Variants in PRKN observed in about 807,000 individuals in gnomAD.
PRKN encodes the protein E3 ubiquitin-protein ligase parkin.
A neutral mutation model predicts 59.5 loss-of-function variants in PRKN; 56 were observed. The ratio of observed to expected loss-of-function variants is 0.94; its 90% CI spans 0.76 to 1.18. PRKN has a LOEUF of 1.18. PRKN is among the 50% of genes most tolerant of loss of function. The pLI is 0.00. For synonymous variants in PRKN, 250 were observed against 222.1 expected, an observed-to-expected ratio of 1.13 and a Z score of -1.12; for missense variants, 657 against 596.4, an observed-to-expected ratio of 1.10 and a Z score of -1.06.
chr6:161,586,660 T>C (rs1030339561), intron 7 of PRKN, among the ~76,000 whole-genome samples: 2 of 152,206 alleles, frequency 1.3e-5, no homozygotes, highest in Non-Finnish European at 2.9e-5. Context: ...TTCTTTCTGT[T>C]GAAATAGTAT....
At position 161,766,153 on chromosome 6, in the gene PRKN, A is replaced by G. The variant is rs770753218; in HGVS notation, c.871+19619T>C. 2.0e-5 allele frequency among the ~76,000 whole-genome samples: 3 copies of G among 152,192 alleles called. No homozygotes were observed. The East Asian group carries it at 5.8e-4, about 29-fold the overall frequency. ...TACAGTTCTTTTATTCTACAAAAAT[A>G]TATAGTATTAAGAAACCAAAACCAT... On this transcript the variant is annotated intron_variant, in intron 7 of 11. Transcript: ENST00000366898.
chr6:162,416,997 C>T (rs1235211531), intron 2 of PRKN, among the ~76,000 whole-genome samples: 1 of 152,172 alleles, frequency 6.6e-6, no homozygotes, highest in Non-Finnish European at 1.5e-5. Flanking sequence ...TATAGCTCTT[C>T]TGCTCCAGCA....
intron 9 of PRKN, among the ~76,000 whole-genome samples, chr6:161,522,528 C>T (rs879526526): frequency 3.9e-5 from 6 of 152,170 alleles, no homozygotes; most frequent in Admixed American, 3.9e-4. Context: ...CATGCCAAGC[C>T]AAGCAAGAAG....
At chr6:162,561,633 G>A (rs560623453) in intron 1 of PRKN, among the ~76,000 whole-genome samples, 53 of 152,290 alleles carry the variant, frequency 3.5e-4, no homozygotes, top group African/African-American at 1.1e-3. Flanking sequence ...TACTGGGGGC[G>A]AAGAGCATCT....
chr6:162,359,122 TTTAC>T (rs1785020955), intron 2 of PRKN, among the ~76,000 whole-genome samples: 1 of 148,138 alleles, frequency 6.8e-6, no homozygotes, highest in Non-Finnish European at 1.5e-5. Flanking sequence ...CACATATCTG[TTTAC>T]TTGTTTCCTA....
chr6:161,523,489 G>A (rs547421285), intron 9 of PRKN, among the ~76,000 whole-genome samples: 1 of 152,274 alleles, frequency 6.6e-6, no homozygotes, highest in South Asian at 2.1e-4. Context: ...ACAGACAATG[G>A]CGATTCATAT....
At chr6:161,781,688 T>C (rs1790211627) in intron 7 of PRKN, among the ~76,000 whole-genome samples, 1 of 152,188 alleles carries the variant, frequency 6.6e-6, no homozygotes, top group African/African-American at 2.4e-5. Context: ...TACAAGGGGC[T>C]GTCAACAGTG....
intron 1 of PRKN, among the ~76,000 whole-genome samples, chr6:162,527,542 T>C (rs1778336796): frequency 6.6e-6 from 1 of 152,202 alleles, no homozygotes; most frequent in African/African-American, 2.4e-5. Context: ...TATCAGCATA[T>C]AGGTTTCTAG....
At chr6:162,131,650 AT>A (rs1781362016) in intron 4 of PRKN, among the ~76,000 whole-genome samples, 1 of 152,200 alleles carries the variant, frequency 6.6e-6, no homozygotes, top group Non-Finnish European at 1.5e-5. Context: ...GGAGAAAATG[AT>A]TATTTTAATT....
chr6:162,563,008 G>T (rs1779908620), intron 1 of PRKN, among the ~76,000 whole-genome samples: 2 of 152,154 alleles, frequency 1.3e-5, no homozygotes, highest in Non-Finnish European at 2.9e-5. Context: ...CTTTGTTTAA[G>T]AGAAAGCAAG....
At chr6:161,900,633 CTA>C (rs1224480476) in intron 6 of PRKN, among the ~76,000 whole-genome samples, 42 of 101,568 alleles carry the variant, frequency 4.1e-4, no homozygotes, top group Middle Eastern at 9.1e-3. Context: ...CTATAATATA[CTA>C]TATATTATAT....
At chr6:162,642,711 TATC>T (rs1778009487) in intron 1 of PRKN, among the ~76,000 whole-genome samples, 2 of 151,924 alleles carry the variant, frequency 1.3e-5, no homozygotes, top group Non-Finnish European at 2.9e-5. Flanking sequence ...AAAATTGAAA[TATC>T]ATAGAAAAGT....
intron 6 of PRKN, among the ~76,000 whole-genome samples, chr6:161,884,569 G>T (rs1795061202): frequency 6.6e-6 from 1 of 152,130 alleles, no homozygotes; most frequent in Non-Finnish European, 1.5e-5. Flanking sequence ...TATTTTAACT[G>T]TGAGATTACG....
chr6:161,448,445 C>T lies in PRKN; in HGVS notation c.1084-61568G>A, dbSNP rs1789589808. Reference sequence around the variant, plus strand: ...CTAATGTAATCAGGACTCACATATCCACATCTTAGATTTAATGCTGATTTC... The same window carrying T: ...CTAATGTAATCAGGACTCACATATCTACATCTTAGATTTAATGCTGATTTC... On this transcript the variant is annotated intron_variant, in intron 9 of 11. Coordinates refer to ENST00000366898, the MANE Select transcript of PRKN (RefSeq NM_004562.3). The surrounding 1 kb of genome is among the most constrained non-coding windows in gnomAD (Gnocchi z 5.1). 6.6e-6 allele frequency among the ~76,000 whole-genome samples: 1 copy of T among 152,152 alleles called. No homozygotes were observed. Among genetic ancestry groups the T allele is most frequent in the Non-Finnish European group, 1.5e-5 (1 of 68,024 alleles).
At chr6:161,389,252 C>A (rs1032472346) in intron 9 of PRKN, among the ~76,000 whole-genome samples, 2 of 152,176 alleles carry the variant, frequency 1.3e-5, no homozygotes, top group Admixed American at 6.5e-5. Flanking sequence ...TTTCCTACGT[C>A]CAATTTCTTG....
At chr6:162,077,938 T>C (rs1470483170) in intron 4 of PRKN, among the ~76,000 whole-genome samples, 1 of 148,142 alleles carries the variant, frequency 6.8e-6, no homozygotes, top group Non-Finnish European at 1.5e-5. Context: ...GAGGCGGAGG[T>C]TGCAGTGAGC....
At chr6:162,421,447 T>C (rs1788959881) in intron 2 of PRKN, among the ~76,000 whole-genome samples, 1 of 152,224 alleles carries the variant, frequency 6.6e-6, no homozygotes, top group Non-Finnish European at 1.5e-5. Context: ...ACTTTCAACT[T>C]TCCCTTTGAT....
At chr6:161,768,438 A>C (rs2128201280) in intron 7 of PRKN, among the ~76,000 whole-genome samples, 1 of 152,302 alleles carries the variant, frequency 6.6e-6, no homozygotes, top group East Asian at 1.9e-4. Context: ...GCTCTCCAAA[A>C]TTTTGGTGGA....
At position 161,428,390 on chromosome 6, in the gene PRKN, A is replaced by T. The variant is rs1001323957; in HGVS notation, c.1084-41513T>A. Among the ~76,000 whole-genome samples, 3 of 152,084 alleles carry T rather than the reference A, an allele frequency of 2.0e-5. No individual in the cohort carries two copies. The South Asian group carries it at 6.2e-4, about 32-fold the overall frequency. ...CGGGCTGCTGGGGTGGAGAGTGCAG[A>T]CAGAAGCCTGCCATCCGCCGGAGTC... is the stretch of plus-strand genomic sequence containing the variant. On this transcript the variant is annotated intron_variant, in intron 9 of 11. Transcript: ENST00000366898. This position sits in a 1 kb window ranked among gnomAD's most constrained non-coding sequence, Gnocchi z 4.0.
Sources: allele counts gnomAD v4.1 joint callset (sites outside exome capture counted in the v4.1 genomes callset), GRCh38; gene constraint gnomAD v4.1.1; non-coding constraint Gnocchi (gnomAD v3.1); transcripts MANE v1.5; gene names NCBI Gene and HGNC (gene_info 2026-07-23, HGNC 2026-07-21).